The following CDH13 variants were observed in gnomAD, a reference collection of about 807,000 sequenced individuals.
The protein encoded by CDH13 is cadherin 13.
CDH13 carries 24 observed loss-of-function variants against 63.8 expected under a neutral mutation model. That is an observed-to-expected ratio of 0.38 (90% CI 0.27 to 0.53). CDH13 has a LOEUF of 0.53. Among genes scored for constraint, CDH13 ranks in the 20% least tolerant of loss-of-function variants. The pLI is 0.85. For missense variants in CDH13, 1,049 were observed against 903.1 expected, an observed-to-expected ratio of 1.16 and a Z score of -2.07; for synonymous variants, 503 against 355.3, an observed-to-expected ratio of 1.42 and a Z score of -4.67.
intron 8 of CDH13, among the ~76,000 whole-genome samples, chr16:83,669,195 A>G (rs150531586): frequency 6.6e-6 from 1 of 152,140 alleles, no homozygotes; most frequent in African/African-American, 2.4e-5. Context: ...CTGATCTCCC[A>G]TGCGCTCCAA....
intron 10 of CDH13, among the ~76,000 whole-genome samples, chr16:83,705,394 G>T (rs563178340): frequency 4.6e-5 from 7 of 152,028 alleles, no homozygotes; most frequent in Non-Finnish European, 1.0e-4. Context: ...AGGCTGAGGC[G>T]GGCAGATCAC....
At chr16:82,811,873 C>T (rs1294830803) in intron 1 of CDH13, among the ~76,000 whole-genome samples, 1 of 151,934 alleles carries the variant, frequency 6.6e-6, no homozygotes, top group African/African-American at 2.4e-5. Context: ...CCAGAAGGGC[C>T]CAGGTTTAGG....
At chr16:83,570,972 A>ATATATATATATATATATATATAT (rs57638289) in intron 7 of CDH13, among the ~76,000 whole-genome samples, 19 of 109,560 alleles carry the variant, frequency 1.7e-4, no homozygotes, top group Admixed American at 2.1e-4. Flanking sequence ...TATATATATA[A>ATATATATATATATATATATATAT]AAACCTTCTG....
intron 10 of CDH13, among the ~76,000 whole-genome samples, chr16:83,697,164 C>A (rs1443721407): frequency 6.6e-6 from 1 of 152,196 alleles, no homozygotes; most frequent in Admixed American, 6.5e-5. Flanking sequence ...CATTAATACT[C>A]ATGGCGCTTT....
intron 8 of CDH13, among the ~76,000 whole-genome samples, chr16:83,643,431 G>A (rs930619490): frequency 6.6e-6 from 1 of 151,832 alleles, no homozygotes; most frequent in African/African-American, 2.4e-5. Context: ...ATTGCCATCT[G>A]TCTCACGATT....
intron 1 of CDH13, among the ~76,000 whole-genome samples, chr16:82,809,992 A>C (rs1340389749): frequency 6.6e-6 from 1 of 152,240 alleles, no homozygotes; most frequent in African/African-American, 2.4e-5. Context: ...CCCATCTATT[A>C]AGGGCAATGT....
At chr16:83,549,645 A>C (rs2075454487) in intron 7 of CDH13, among the ~76,000 whole-genome samples, 1 of 149,570 alleles carries the variant, frequency 6.7e-6, no homozygotes, top group African/African-American at 2.4e-5. Context: ...CTACGCTCAA[A>C]AAAAAAAAAA....
At chr16:83,040,626 C>T (rs755041706) in intron 3 of CDH13, among the ~76,000 whole-genome samples, 2 of 152,138 alleles carry the variant, frequency 1.3e-5, no homozygotes, top group Non-Finnish European at 2.9e-5. Flanking sequence ...TAGTTGATGC[C>T]CACCCAGACT....
chr16:83,216,054 A>C (rs1289538095), intron 4 of CDH13, among the ~76,000 whole-genome samples: 1 of 150,656 alleles, frequency 6.6e-6, no homozygotes, highest in Non-Finnish European at 1.5e-5. Flanking sequence ...TATGCCAGTA[A>C]CTCACGATTT....
chr16:83,070,861 C>T (rs1455946269), intron 3 of CDH13, among the ~76,000 whole-genome samples: 2 of 142,540 alleles, frequency 1.4e-5, no homozygotes, highest in East Asian at 2.3e-4. Context: ...AACAGCCCCC[C>T]CCCCCCCAAA....
chr16:83,561,433 A>C (rs942414509), intron 7 of CDH13, among the ~76,000 whole-genome samples: 31 of 152,122 alleles, frequency 2.0e-4, no homozygotes, highest in African/African-American at 7.0e-4. Flanking sequence ...TCTCAAAAAA[A>C]AAAAAAAAAA....
intron 1 of CDH13, among the ~76,000 whole-genome samples, chr16:82,789,441 G>T (rs532104336): frequency 1.3e-5 from 2 of 152,156 alleles, no homozygotes; most frequent in African/African-American, 4.8e-5. Flanking sequence ...TCACATCAAG[G>T]CGATGACAAG....
chr16:83,287,396 G>A (rs776378132), intron 5 of CDH13, among the ~76,000 whole-genome samples: 2 of 152,222 alleles, frequency 1.3e-5, no homozygotes, highest in African/African-American at 2.4e-5. Flanking sequence ...AGGCAAGCAA[G>A]CAAGCCAAGC....
At position 83,799,893 on chromosome 16, in the gene CDH13, A is replaced by G. The variant is rs983098631; in HGVS notation, c.*4863A>G. On this transcript the variant is annotated 3_prime_UTR_variant, in exon 14 of 14. Coordinates refer to ENST00000567109, the MANE Select transcript of CDH13 (RefSeq NM_001257.5). ...ACAAGACATGGAGAGACAGCAAAAA[A>G]TGGTGGGAATGGGTGTGTGTATGAG... 8 of 152,182 alleles carry G rather than the reference A, an allele frequency of 5.3e-5. No homozygotes were observed. Among genetic ancestry groups the G allele is most frequent in the Non-Finnish European group, 1.0e-4 (7 of 68,040 alleles). 9.4% of individuals were successfully genotyped at this position (152,182 alleles called of 1,614,324 possible). A position where few individuals can be genotyped will look rare whatever the true frequency, so the allele number is the denominator to read the frequency against.
At chr16:83,384,015 T>C (rs940266545) in intron 6 of CDH13, among the ~76,000 whole-genome samples, 2 of 152,184 alleles carry the variant, frequency 1.3e-5, no homozygotes, top group African/African-American at 4.8e-5. Context: ...TATATACACA[T>C]GGGTACATCT....
intron 5 of CDH13, among the ~76,000 whole-genome samples, chr16:83,300,135 A>C (rs1049340951): frequency 2.0e-5 from 3 of 152,322 alleles, no homozygotes; most frequent in South Asian, 2.1e-4. Flanking sequence ...AGTACCAGGA[A>C]GCTGGGATCA....
At chr16:83,667,405 C>G (rs1376887427) in intron 8 of CDH13, among the ~76,000 whole-genome samples, 1 of 151,986 alleles carries the variant, frequency 6.6e-6, no homozygotes, top group African/African-American at 2.4e-5. Flanking sequence ...TCCACCCATC[C>G]ACCCACCTAC....
At chr16:82,974,033 C>G (rs1271609578) in intron 2 of CDH13, among the ~76,000 whole-genome samples, 1 of 152,162 alleles carries the variant, frequency 6.6e-6, no homozygotes, top group Non-Finnish European at 1.5e-5. Flanking sequence ...GATTCTCCTG[C>G]CTCAGCCTCC....
chr16:83,667,231 C>G (rs967338901), intron 8 of CDH13, among the ~76,000 whole-genome samples: 3 of 152,162 alleles, frequency 2.0e-5, no homozygotes, highest in African/African-American at 7.2e-5. Context: ...ACATCAGCCC[C>G]TTTCCATTCT....
Sources: allele counts gnomAD v4.1 joint callset (sites outside exome capture counted in the v4.1 genomes callset), GRCh38; gene constraint gnomAD v4.1.1; transcripts MANE v1.5; gene names NCBI Gene and HGNC (gene_info 2026-07-23, HGNC 2026-07-21).